DGKH: variants seen among roughly 807,000 people sequenced by gnomAD.
DGKH encodes DAG kinase eta.
In DGKH, 90 loss-of-function variants were observed where a neutral mutation model predicts 159.3. That is an observed-to-expected ratio of 0.57 (90% CI 0.48 to 0.67). The LOEUF (loss-of-function observed/expected upper bound fraction) is 0.67, where lower values mean the gene tolerates loss of function less well. Among genes scored for constraint, DGKH ranks in the 30% least tolerant of loss-of-function variants. The pLI is 0.00. For synonymous variants in DGKH, 536 were observed against 553.8 expected, an observed-to-expected ratio of 0.97 and a Z score of 0.45; for missense variants, 1,181 against 1,506.1, an observed-to-expected ratio of 0.78 and a Z score of 3.57.
chr13:42,086,029 G>A lies in DGKH; in HGVS notation c.192+37064G>A, dbSNP rs551454191. The stretch of plus-strand genomic sequence containing the variant: ...CTGCCTCTGGGTTCAAGCGATTCTC[G>A]TGCCTCAGCCCTTGAGTAGATGGGA... On this transcript the variant is annotated intron_variant, in intron 1 of 29. Coordinates refer to ENST00000337343, the MANE Select transcript of DGKH (RefSeq NM_178009.5). Among the ~76,000 whole-genome samples, 8 of 151,868 alleles carry A rather than the reference G, an allele frequency of 5.3e-5. No homozygotes were observed. In the South Asian group the frequency reaches 1.2e-3, roughly 24 times the overall value.
intron 13 of DGKH, chr13:42,181,849 GAGCTGCT>G (rs1566165924): frequency 1.2e-4 from 17 of 140,236 alleles, no homozygotes; most frequent in South Asian, 5.1e-4. Context: ...GCTGGCAGCT[GAGCTGCT>G]GGTGCTGGCA....
rs536393686 is a variant in DGKH, at chr13:42,219,439, A to G, written c.3333+90A>G. On this transcript the variant is annotated intron_variant, in intron 27 of 29. Coordinates refer to ENST00000337343, the MANE Select transcript of DGKH (RefSeq NM_178009.5). ...CTTTGAAAAAGAGATATTTAGGGAA[A>G]AATGAATTTTGAATACTACTTTCAA... 1.7e-4 allele frequency: 263 copies of G among 1,528,066 alleles called. 2 individuals carry two copies. Among genetic ancestry groups the G allele is most frequent in the Admixed American group, 1.4e-3 (68 of 48,810 alleles). The allele number at this position is 1,528,066 out of a possible 1,614,324, so 94.7% of individuals were successfully genotyped here.
intron 24 of DGKH, among the ~76,000 whole-genome samples, chr13:42,212,061 G>T (rs890880045): frequency 1.3e-5 from 2 of 152,140 alleles, no homozygotes; most frequent in East Asian, 3.8e-4. Flanking sequence ...AGTAACTTAA[G>T]ATTCTTCCCA....
intron 11 of DGKH, among the ~76,000 whole-genome samples, chr13:42,170,209 A>G (rs976332077): frequency 7.9e-5 from 12 of 152,320 alleles, no homozygotes; most frequent in African/African-American, 1.4e-4. Flanking sequence ...GCTGTTAGGC[A>G]TTTCATCTAC....
chr13:42,202,963 A>G (rs17598913), intron 20 of DGKH, among the ~76,000 whole-genome samples: 12,336 of 152,236 alleles, frequency 0.081, 655 homozygotes, highest in Middle Eastern at 0.12. Flanking sequence ...AAGATACATG[A>G]AGAAAAACAA....
rs767991654 is a variant in DGKH at position 42,155,727 on chromosome 13, G to A, written c.550G>A (p.Ala184Thr). The A allele has an allele frequency of 1.7e-5, 27 of 1,613,852 alleles. No individual in the cohort carries two copies. The highest frequency in any genetic ancestry group is 1.9e-5 in the Non-Finnish European group (23 of 1,180,012). ...GMHNWYACSH[A>T]RPTFCNVCRE... is the part of the protein sequence containing the mutation. ...GCACAACTGGTACGCCTGCTCCCAC[G>A]CCCGACCCACCTTCTGTAACGTGTG... The change falls in exon 5 of 30, where the codon GCC (alanine) becomes ACC (threonine). Residue 184 changes from alanine to threonine, a missense_variant. Transcript: ENST00000337343.
intron 1 of DGKH, chr13:42,070,351 G>T (rs1882878331): frequency 7.0e-7 from 1 of 1,418,932 alleles, no homozygotes; most frequent in East Asian, 2.3e-5. Context: ...AACAGGAATA[G>T]ATTCTAAAGT....
Position 42,048,768 on chromosome 13 carries a change from G to C in DGKH, c.-6G>C. 2 of 1,287,496 alleles carry C rather than the reference G, an allele frequency of 1.6e-6. No individual in the cohort carries two copies. The highest frequency in any genetic ancestry group is 2.0e-6 in the Non-Finnish European group (2 of 1,012,018). 79.8% of individuals were successfully genotyped at this position (1,287,496 alleles called of 1,614,324 possible). On this transcript the variant is annotated 5_prime_UTR_variant, in exon 1 of 30. Transcript: ENST00000337343. The surrounding 1 kb of genome is among the most constrained non-coding windows in gnomAD (Gnocchi z 6.7). ...CGGTGCTGTGTCCCCGCAGGAGTCG[G>C]AGAGGATGGCAGGGGCCGGAGGCCA...
At chr13:42,053,133 C>G (rs1051700674) in intron 1 of DGKH, among the ~76,000 whole-genome samples, 2 of 151,784 alleles carry the variant, frequency 1.3e-5, no homozygotes, top group Non-Finnish European at 2.9e-5. Flanking sequence ...CCCAAGAATT[C>G]AAGACTAGCT....
intron 1 of DGKH, among the ~76,000 whole-genome samples, chr13:42,087,322 C>A (rs1954327638): frequency 6.6e-6 from 1 of 152,056 alleles, no homozygotes; most frequent in Non-Finnish European, 1.5e-5. Context: ...CACTACAAAG[C>A]CTGACAATAT....
intron 1 of DGKH, among the ~76,000 whole-genome samples, chr13:42,061,447 C>G (rs1882161848): frequency 6.6e-6 from 1 of 152,140 alleles, no homozygotes; most frequent in Non-Finnish European, 1.5e-5. Flanking sequence ...CCGAGGACTC[C>G]CATACTCTTG....
Position 42,041,846 on chromosome 13 carries a change from C to T in DGKH, c.-13+1720C>T, listed in dbSNP as rs1322920527. ...GCCCCGTCCGAAATTTCTGGCCTCA[C>T]CCATGTTCCGGTCAACGTGTTCGGA... On this transcript the variant is annotated intron_variant, in intron 1 of 29. Transcript: ENST00000379274. Among the ~76,000 whole-genome samples the T allele has an allele frequency of 2.0e-5, 3 of 152,360 alleles. No homozygotes were observed. The East Asian group carries it at 5.8e-4, about 29-fold the overall frequency.
intron 3 of DGKH, among the ~76,000 whole-genome samples, chr13:42,150,461 C>G (rs1459111583): frequency 6.6e-6 from 1 of 152,128 alleles, no homozygotes; most frequent in Admixed American, 6.5e-5. Flanking sequence ...AGTTACATTT[C>G]TTTTTACCTC....
Position 42,167,908 on chromosome 13 carries a change from G to A in DGKH, c.1119-532G>A, listed in dbSNP as rs76931480. Among the ~76,000 whole-genome samples, 268 of 152,184 alleles carry A rather than the reference G, an allele frequency of 1.8e-3. 4 individuals are homozygous for A. The East Asian group carries it at 0.043, about 25-fold the overall frequency. On this transcript the variant is annotated intron_variant, in intron 9 of 29. Coordinates refer to ENST00000337343, the MANE Select transcript of DGKH (RefSeq NM_178009.5). ...AGTAAGTGTACAAGGGTACATTTAG[G>A]AGACGGGATGTGTCAAAAGTTGAGA...
intron 1 of DGKH, among the ~76,000 whole-genome samples, chr13:42,091,424 T>A (rs964399784): frequency 6.6e-6 from 1 of 152,130 alleles, no homozygotes; most frequent in Admixed American, 6.5e-5. Context: ...TGATAAGCAG[T>A]TAATATCCAG....
chr13:42,113,442 C>T (rs1413327318), intron 1 of DGKH, among the ~76,000 whole-genome samples: 2 of 152,160 alleles, frequency 1.3e-5, no homozygotes, highest in East Asian at 3.8e-4. Flanking sequence ...GACTTTAGAG[C>T]AACTGGCTTA....
intron 21 of DGKH, among the ~76,000 whole-genome samples, chr13:42,207,695 G>A (rs2596006): frequency 0.86 from 120,473 of 139,740 alleles, 51,501 homozygotes; most frequent in Non-Finnish European, 0.9. Context: ...ATTAAAGTGT[G>A]TATATATATA....
At chr13:42,116,407 C>A (rs535887443) in intron 1 of DGKH, among the ~76,000 whole-genome samples, 3 of 152,312 alleles carry the variant, frequency 2.0e-5, no homozygotes, top group Middle Eastern at 3.4e-3. Context: ...AAATTCCATT[C>A]CTTAGATGAG....
chr13:42,225,255 A>G, intron 29 of DGKH: 2 of 1,582,764 alleles, frequency 1.3e-6, no homozygotes, highest in Non-Finnish European at 1.7e-6. Context: ...TTAGCAGATA[A>G]GGAAACAAAC....
Sources: allele counts gnomAD v4.1 joint callset (sites outside exome capture counted in the v4.1 genomes callset), GRCh38; gene constraint gnomAD v4.1.1; non-coding constraint Gnocchi (gnomAD v3.1); transcripts MANE v1.5; gene names NCBI Gene and HGNC (gene_info 2026-07-23, HGNC 2026-07-21).